Variants in PTPRD observed in about 807,000 individuals in gnomAD.
PTPRD encodes receptor-type tyrosine-protein phosphatase delta.
Under a neutral mutation model 214.5 loss-of-function variants are expected in PTPRD, and 34 were observed. That is an observed-to-expected ratio of 0.16 (90% CI 0.12 to 0.21). The LOEUF is 0.21. Among genes scored for constraint, PTPRD ranks in the 10% least tolerant of loss-of-function variants. PTPRD has a pLI of 1.00. For missense variants in PTPRD, 2,545 were observed against 2,398.7 expected, an observed-to-expected ratio of 1.06 and a Z score of -1.27; for synonymous variants, 1,128 against 845.7, an observed-to-expected ratio of 1.33 and a Z score of -5.79.
chr9:8,426,267 T>C (rs1200639703), intron 35 of PTPRD, among the ~76,000 whole-genome samples: 2 of 152,120 alleles, frequency 1.3e-5, no homozygotes, highest in Admixed American at 1.3e-4. Context: ...TTCTGAGAGG[T>C]AAAGCAACTG....
intron 3 of PTPRD, among the ~76,000 whole-genome samples, chr9:10,137,493 T>G (rs373570849): frequency 2.9e-5 from 2 of 68,602 alleles, no homozygotes; most frequent in South Asian, 8.8e-4. Context: ...TAGGTGGGAA[T>G]TGAACAATGA....
chr9:10,065,454 A>AT (rs570532308), intron 3 of PTPRD, among the ~76,000 whole-genome samples: 75 of 150,772 alleles, frequency 5.0e-4, no homozygotes, highest in Non-Finnish European at 7.0e-4. Flanking sequence ...CTTTTTTTTT[A>AT]TTTTTTTTCT....
intron 8 of PTPRD, among the ~76,000 whole-genome samples, chr9:9,485,265 T>C (rs2095579893): frequency 6.6e-6 from 1 of 152,328 alleles, no homozygotes; most frequent in South Asian, 2.1e-4. Context: ...AAGCATGATT[T>C]GTAAAGTAGT....
intron 9 of PTPRD, among the ~76,000 whole-genome samples, chr9:9,312,127 G>C (rs909197860): frequency 6.6e-6 from 1 of 152,106 alleles, no homozygotes; most frequent in African/African-American, 2.4e-5. Context: ...CATTAAGCTT[G>C]ATTTCAGCAA....
At chr9:9,072,935 G>T (rs529323721) in intron 10 of PTPRD, among the ~76,000 whole-genome samples, 3 of 152,124 alleles carry the variant, frequency 2.0e-5, no homozygotes, top group East Asian at 1.9e-4. Flanking sequence ...AAAAAATTAC[G>T]TGCCATCTTG....
At chr9:8,877,138 G>T (rs559850176) in intron 11 of PTPRD, among the ~76,000 whole-genome samples, 79 of 152,130 alleles carry the variant, frequency 5.2e-4, no homozygotes, top group Middle Eastern at 6.8e-3. Flanking sequence ...TGTTGGCCAG[G>T]ATGGTCTCCA....
intron 11 of PTPRD, among the ~76,000 whole-genome samples, chr9:8,818,138 A>G (rs1462524419): frequency 6.6e-6 from 1 of 152,188 alleles, no homozygotes; most frequent in African/African-American, 2.4e-5. Context: ...ATCCATTTTA[A>G]TTTCTAGGTG....
chr9:8,990,733 AC>A (rs2099363082), intron 11 of PTPRD, among the ~76,000 whole-genome samples: 1 of 151,962 alleles, frequency 6.6e-6, no homozygotes, highest in Admixed American at 6.6e-5. Flanking sequence ...TAGTCATAAG[AC>A]CCCCATTCTG....
In PTPRD at chr9:9,180,923, T is replaced by C. The variant is rs145324135; in HGVS notation, c.-143+2381A>G. Among the ~76,000 whole-genome samples, 834 of 152,218 alleles carry C rather than the reference T, an allele frequency of 5.5e-3. 8 individuals carry two copies. Among genetic ancestry groups the C allele is most frequent in the African/African-American group, 0.018 (766 of 41,564 alleles). On this transcript the variant is annotated intron_variant, in intron 10 of 45. Transcript: ENST00000381196. ...TGGAACTGAAAAGAGCCAGGTAGAT[T>C]TCTTAAGTGGCAAAAATCATAAAAA...
chr9:9,121,596 T>G (rs2099817678), intron 10 of PTPRD, among the ~76,000 whole-genome samples: 3 of 152,128 alleles, frequency 2.0e-5, no homozygotes, highest in Admixed American at 6.6e-5. Flanking sequence ...TTGTATGTTC[T>G]CACTGATTTG....
intron 5 of PTPRD, among the ~76,000 whole-genome samples, chr9:9,910,826 ATACT>A (rs1337104733): frequency 1.3e-5 from 2 of 152,066 alleles, no homozygotes; most frequent in Non-Finnish European, 2.9e-5. Flanking sequence ...GGACTGAATA[ATACT>A]TGGAAAACTG....
At chr9:10,261,075 ATG>A (rs984427264) in intron 3 of PTPRD, among the ~76,000 whole-genome samples, 4 of 116,638 alleles carry the variant, frequency 3.4e-5, no homozygotes, top group Non-Finnish European at 5.0e-5. Flanking sequence ...TATTATATAT[ATG>A]TGTGTATATA....
chr9:9,100,259 C>T (rs545838096), intron 10 of PTPRD, among the ~76,000 whole-genome samples: 1 of 152,184 alleles, frequency 6.6e-6, no homozygotes, highest in African/African-American at 2.4e-5. Flanking sequence ...TATTTGGACA[C>T]AGCAGTAGGT....
At chr9:9,797,500 A>G (rs2099010620) in intron 5 of PTPRD, among the ~76,000 whole-genome samples, 1 of 152,138 alleles carries the variant, frequency 6.6e-6, no homozygotes, top group Non-Finnish European at 1.5e-5. Context: ...AAAATGAGAA[A>G]GAATAGAGTG....
chr9:10,100,274 A>ATAGT (rs1392667252), intron 3 of PTPRD, among the ~76,000 whole-genome samples: 1 of 151,700 alleles, frequency 6.6e-6, no homozygotes, highest in Non-Finnish European at 1.5e-5. Context: ...ATCTCATTTA[A>ATAGT]TAGTTAGAAC....
intron 9 of PTPRD, among the ~76,000 whole-genome samples, chr9:9,372,211 G>T (rs549097363): frequency 6.6e-6 from 1 of 152,088 alleles, no homozygotes; most frequent in South Asian, 2.1e-4. Context: ...TTGACAGTGG[G>T]GTGTTAAAGT....
At chr9:8,575,608 C>T (rs776087213) in intron 14 of PTPRD, among the ~76,000 whole-genome samples, 2 of 152,088 alleles carry the variant, frequency 1.3e-5, no homozygotes, top group African/African-American at 2.4e-5. Flanking sequence ...GAGATATATT[C>T]GTTTATTTGG....
At chr9:8,629,756 T>C (rs1334271352) in intron 14 of PTPRD, among the ~76,000 whole-genome samples, 2 of 151,772 alleles carry the variant, frequency 1.3e-5, no homozygotes, top group Non-Finnish European at 2.9e-5. Context: ...AAAATTAAAA[T>C]GACTTGGAAG....
intron 8 of PTPRD, among the ~76,000 whole-genome samples, chr9:9,471,611 G>T (rs1354475889): frequency 6.6e-6 from 1 of 151,990 alleles, no homozygotes; most frequent in Non-Finnish European, 1.5e-5. Flanking sequence ...TTATGTTTTT[G>T]TATTCCTGAT....
Sources: allele counts gnomAD v4.1 joint callset (sites outside exome capture counted in the v4.1 genomes callset), GRCh38; gene constraint gnomAD v4.1.1; transcripts MANE v1.5; gene names NCBI Gene and HGNC (gene_info 2026-07-23, HGNC 2026-07-21).